ATP8B2: variants seen among roughly 807,000 people sequenced by gnomAD.
ATP8B2 encodes the protein ATPase phospholipid transporting 8B2.
A neutral mutation model predicts 133.4 loss-of-function variants in ATP8B2; 70 were observed. The ratio of observed to expected loss-of-function variants is 0.52; its 90% CI spans 0.43 to 0.64. ATP8B2 has a LOEUF of 0.64. ATP8B2 is among the 30% of genes least tolerant of loss of function. The pLI is 0.00. For missense variants in ATP8B2, 1,101 were observed against 1,535.7 expected, an observed-to-expected ratio of 0.72 and a Z score of 4.73; for synonymous variants, 517 against 589.5, an observed-to-expected ratio of 0.88 and a Z score of 1.78.
chr1:154,332,112 T>C, intron 8 of ATP8B2, 88 bp downstream of exon 8: 2 of 1,412,290 alleles, frequency 1.4e-6, no homozygotes, highest in Non-Finnish European at 2.0e-6. Context: ...AGGCCTGGGC[T>C]CTGTCTGAAT....
Position 154,328,813 on chromosome 1 carries a change from C to T in ATP8B2, c.31+641C>T. 1.9e-6 allele frequency: 2 copies of T among 1,035,360 alleles called. No homozygotes were observed. The highest frequency in any genetic ancestry group is 2.3e-6 in the Non-Finnish European group (2 of 861,762). The allele number at this position is 1,035,360 out of a possible 1,614,324, so 64.1% of individuals were successfully genotyped here. ...CGGCGCAGCTGAGCTCGCGGTGTCC[C>T]CGAGCGCCGGCGGCCGGGAGGATGG... On this transcript the variant is annotated intron_variant, in intron 2 of 27. Coordinates refer to ENST00000368489, the MANE Select transcript of ATP8B2 (RefSeq NM_001370597.1). This position sits in a 1 kb window ranked among gnomAD's most constrained non-coding sequence, Gnocchi z 4.6.
chr1:154,346,546 G>A lies in ATP8B2; in HGVS notation c.3024+70G>A. 1.2e-6 allele frequency: 2 copies of A among 1,608,904 alleles called. No individual in the cohort carries two copies. Among genetic ancestry groups the A allele is most frequent in the Non-Finnish European group, 1.7e-6 (2 of 1,176,978 alleles). ...GCCTTCTGTCCCTGGGGCTGCCCTG[G>A]GCACCACAGTTCTGTTTCTGGGGGA... On this transcript the variant is annotated intron_variant, in intron 25 of 27. Transcript: ENST00000368489. The surrounding 1 kb of genome is among the most constrained non-coding windows in gnomAD (Gnocchi z 4.5).
intron 2 of ATP8B2, among the ~76,000 whole-genome samples, chr1:154,329,539 A>G (rs992335068): frequency 1.3e-5 from 2 of 152,088 alleles, no homozygotes; most frequent in Non-Finnish European, 2.9e-5. Context: ...GTTCTGGGAC[A>G]TGAATTTGAT....
chr1:154,333,136 C>A (rs1047596437), intron 9 of ATP8B2, among the ~76,000 whole-genome samples: 1 of 152,050 alleles, frequency 6.6e-6, no homozygotes, highest in Non-Finnish European at 1.5e-5. Context: ...ATGGTGAAAC[C>A]CTGTCTCTAT....
chr1:154,337,108 T>G (rs898000420), intron 11 of ATP8B2, among the ~76,000 whole-genome samples: 1 of 72,756 alleles, frequency 1.4e-5, no homozygotes, highest in Non-Finnish European at 3.4e-5. Flanking sequence ...CATAATAGTT[T>G]TTTTTTTTTT....
Position 154,328,833 on chromosome 1 carries a change from G to C in ATP8B2, c.31+661G>C. The C allele has an allele frequency of 9.5e-7, 1 of 1,047,854 alleles. No individual in the cohort carries two copies. Among genetic ancestry groups the C allele is most frequent in the Non-Finnish European group, 1.2e-6 (1 of 866,458 alleles). The allele number at this position is 1,047,854 out of a possible 1,614,324, so 64.9% of individuals were successfully genotyped here. ...TGTCCCCGAGCGCCGGCGGCCGGGA[G>C]GATGGCCTGGGCTGCGGGTGGGGCG... On this transcript the variant is annotated intron_variant, in intron 2 of 27. Transcript: ENST00000368489. This position sits in a 1 kb window ranked among gnomAD's most constrained non-coding sequence, Gnocchi z 4.6.
Position 154,346,024 on chromosome 1 carries a change from G to C in ATP8B2, c.2778+141G>C. The C allele has an allele frequency of 9.2e-7, 1 of 1,085,750 alleles. No homozygotes were observed. Among genetic ancestry groups the C allele is most frequent in the Non-Finnish European group, 1.4e-6 (1 of 736,280 alleles). 67.3% of individuals were successfully genotyped at this position (1,085,750 alleles called of 1,614,324 possible). ...TCTTTCAGCCGGGGAAGGTGTGGCT[G>C]GTTCTCCCTCCTGGCTGCAGCTGAT... On this transcript the variant is annotated intron_variant, in intron 24 of 27. Coordinates refer to ENST00000368489, the MANE Select transcript of ATP8B2 (RefSeq NM_001370597.1). The surrounding 1 kb of genome is among the most constrained non-coding windows in gnomAD (Gnocchi z 4.5).
chr1:154,344,477 C>G lies in ATP8B2; in HGVS notation c.2118C>G (p.Val706=), dbSNP rs992637982. The G allele has an allele frequency of 6.2e-7, 1 of 1,614,132 alleles. No homozygotes were observed. The change falls in exon 20 of 28, where the codon GTC becomes GTG. Residue 706 remains valine (V), a synonymous_variant. Coordinates refer to ENST00000368489, the MANE Select transcript of ATP8B2 (RefSeq NM_001370597.1). The surrounding 1 kb of genome is among the most constrained non-coding windows in gnomAD (Gnocchi z 4.1). ...TTTTCATAGTCACTGGCCATACTGT[C>G]CTGGAGGTGCGGGAGGAGCTCAGGT... ...TEVFIVTGHT[V]LEVREELRKA... is the part of the protein sequence containing the mutation.
rs1686546162 is a variant in ATP8B2, at chr1:154,345,305, A to T, written c.2471-17A>T. ...CGGTGGCCATCTTCACCCTCTTGTCATCTCTTGTCTCTGCAGCGGCTCACA... is the reference window on the plus strand; with the variant it reads ...CGGTGGCCATCTTCACCCTCTTGTCTTCTCTTGTCTCTGCAGCGGCTCACA... On this transcript the variant is annotated splice_polypyrimidine_tract_variant and intron_variant, in intron 22 of 27. Coordinates refer to ENST00000368489, the MANE Select transcript of ATP8B2 (RefSeq NM_001370597.1). The surrounding 1 kb of genome is among the most constrained non-coding windows in gnomAD (Gnocchi z 5.6). The T allele has an allele frequency of 1.2e-6, 2 of 1,613,190 alleles. No individual in the cohort carries two copies.
intron 26 of ATP8B2, among the ~76,000 whole-genome samples, chr1:154,347,147 C>T (rs1208811078): frequency 6.6e-6 from 1 of 152,208 alleles, no homozygotes; most frequent in East Asian, 1.9e-4. Flanking sequence ...ACCTCGGCCT[C>T]CCAAAGTGCT....
At chr1:154,330,524 G>T (rs370461095) in intron 3 of ATP8B2, 70 bp downstream of exon 3, 1 of 1,532,308 alleles carries the variant, frequency 6.5e-7, no homozygotes, top group Admixed American at 1.7e-5. Flanking sequence ...ACAACCTACC[G>T]TTGGGACTGA....
rs766528266 is a variant in ATP8B2 at position 154,330,867 on chromosome 1, A to G, written c.143A>G (p.Asn48Ser). ...AATATTCTCACCTTCCTGCCTGTCA[A>G]CCTCTTTGAGCAGTTCCAGGAAGTT... is the stretch of plus-strand genomic sequence containing the variant. ...KYNILTFLPV[N>S]LFEQFQEVAN... is the part of the protein sequence containing the mutation. The change falls in exon 4 of 28, where the codon AAC becomes AGC. Residue 48 changes from asparagine to serine, a missense_variant. Coordinates refer to ENST00000368489, the MANE Select transcript of ATP8B2 (RefSeq NM_001370597.1). The G allele has an allele frequency of 1.9e-6, 3 of 1,614,040 alleles. No homozygotes were observed. The highest frequency in any genetic ancestry group is 2.5e-6 in the Non-Finnish European group (3 of 1,179,986).
chr1:154,337,603 T>A (rs781438345), intron 12 of ATP8B2, 59 bp downstream of exon 12: 10 of 1,614,164 alleles, frequency 6.2e-6, no homozygotes, highest in Non-Finnish European at 8.5e-6. Context: ...CATAGAACTT[T>A]TCTTTTCTAT....
chr1:154,346,125 C>A lies in ATP8B2; in HGVS notation c.2779-106C>A. 1 of 1,500,754 alleles carries A rather than the reference C, an allele frequency of 6.7e-7. No individual in the cohort carries two copies. Among genetic ancestry groups the A allele is most frequent in the Non-Finnish European group, 9.0e-7 (1 of 1,105,516 alleles). 93.0% of individuals were successfully genotyped at this position (1,500,754 alleles called of 1,614,324 possible). Reference sequence around the variant, plus strand: ...TGAGGTTGGTTCTAGCTGCCAAAGACTTTGGAAAGGAGGAGGCAGGGACAG... The same window carrying A: ...TGAGGTTGGTTCTAGCTGCCAAAGAATTTGGAAAGGAGGAGGCAGGGACAG... On this transcript the variant is annotated intron_variant, in intron 24 of 27. Transcript: ENST00000368489. The surrounding 1 kb of genome is among the most constrained non-coding windows in gnomAD (Gnocchi z 4.5).
intron 3 of ATP8B2, 57 bp from the exon 4 acceptor site, chr1:154,330,758 G>A: frequency 6.9e-7 from 1 of 1,448,786 alleles, no homozygotes; most frequent in South Asian, 1.2e-5. Flanking sequence ...GGCAGCCTCA[G>A]TCTGGTTCTG....
Position 154,346,498 on chromosome 1 carries a change from C to G in ATP8B2, c.3024+22C>G. 2.5e-6 allele frequency: 4 copies of G among 1,606,172 alleles called. No homozygotes were observed. Among genetic ancestry groups the G allele is most frequent in the East Asian group, 2.2e-5 (1 of 44,784 alleles). ...GCAGGTATGAGGCCATCCAGGAACT[C>G]CCCTCTTCTCTGGAAGGAGTGAGCC... On this transcript the variant is annotated intron_variant, in intron 25 of 27. Coordinates refer to ENST00000368489, the MANE Select transcript of ATP8B2 (RefSeq NM_001370597.1). This position sits in a 1 kb window ranked among gnomAD's most constrained non-coding sequence, Gnocchi z 4.5.
intron 14 of ATP8B2, 88 bp downstream of exon 14, chr1:154,342,611 A>C: frequency 6.7e-7 from 1 of 1,501,644 alleles, no homozygotes; most frequent in South Asian, 1.1e-5. Context: ...TGTTGTCTGG[A>C]TAGGAAATGG....
rs1290125522 is a variant in ATP8B2, at chr1:154,349,580, G to A, written c.*462G>A. Reference sequence around the variant, plus strand: ...TGCAGGGGCCTCGGCCCCTCACATCGTGTATGTCTCTCCTTGATTTGTGTT... The same window carrying A: ...TGCAGGGGCCTCGGCCCCTCACATCATGTATGTCTCTCCTTGATTTGTGTT... On this transcript the variant is annotated 3_prime_UTR_variant, in exon 28 of 28. Coordinates refer to ENST00000368489, the MANE Select transcript of ATP8B2 (RefSeq NM_001370597.1). 3 of 165,184 alleles carry A rather than the reference G, an allele frequency of 1.8e-5. No homozygotes were observed. The highest frequency in any genetic ancestry group is 1.7e-4 in the South Asian group (1 of 5,896). 10.2% of individuals were successfully genotyped at this position (165,184 alleles called of 1,614,324 possible). A position where few individuals can be genotyped will look rare whatever the true frequency, so the allele number is the denominator to read the frequency against.
rs749157003 is a variant in ATP8B2 at position 154,344,672 on chromosome 1, C to T, written c.2173C>T (p.Arg725Cys). 16 of 1,611,836 alleles carry T rather than the reference C, an allele frequency of 9.9e-6. No homozygotes were observed. Among genetic ancestry groups the T allele is most frequent in the South Asian group, 2.2e-5 (2 of 91,070 alleles). Residue 725 changes from arginine to cysteine, a missense_variant, in exon 21 of 28, where the codon CGC becomes TGC. Transcript: ENST00000368489. The surrounding 1 kb of genome is among the most constrained non-coding windows in gnomAD (Gnocchi z 4.1). The part of the protein sequence containing the change: ...KAREKMMDSS[R>C]SVGNGFTYQD... Reference sequence around the variant, plus strand: ...CCGGGAGAAGATGATGGACTCATCCCGCTCCGTAGGCAACGGCTTCACCTA... The same window carrying T: ...CCGGGAGAAGATGATGGACTCATCCTGCTCCGTAGGCAACGGCTTCACCTA...
Sources: gnomAD v4.1 joint callset for allele counts (sites outside exome capture counted in the v4.1 genomes callset) on GRCh38, gnomAD v4.1.1 for gene constraint, Gnocchi (gnomAD v3.1) non-coding constraint, MANE v1.5 for transcripts, NCBI Gene and HGNC (gene_info 2026-07-23, HGNC 2026-07-21) for gene names.